UNC5D: variants seen among roughly 807,000 people sequenced by gnomAD.
UNC5D encodes unc-5 netrin receptor D, also known as netrin receptor UNC5D.
UNC5D carries 39 observed loss-of-function variants against 105.4 expected under a neutral mutation model. The ratio of observed to expected loss-of-function variants is 0.37; its 90% CI spans 0.29 to 0.48. The LOEUF (loss-of-function observed/expected upper bound fraction) is 0.48. Among genes scored for constraint, UNC5D ranks in the 20% least tolerant of loss-of-function variants. The pLI, the probability that UNC5D is intolerant of heterozygous loss-of-function variation, is 0.98. For missense variants in UNC5D, 991 were observed against 1,202.4 expected (o/e 0.82, Z 2.60); for synonymous variants, 452 against 450.4 (o/e 1.00, Z -0.04).
At chr8:35,430,335 G>A (rs1290957102) in intron 1 of UNC5D, among the ~76,000 whole-genome samples, 1 of 152,006 alleles carries the variant, frequency 6.6e-6, no homozygotes, top group African/African-American at 2.4e-5. Flanking sequence ...CCCTGAGAGG[G>A]CATGGAAACT....
rs140008240 is a variant in UNC5D, at chr8:35,476,896, C to T, written c.104-72396C>T. ...TACTGTGATGCTTTGATCACCAATT[C>T]TAACATTAATATTGATTTCCATTCT... On this transcript the variant is annotated intron_variant, in intron 1 of 16. Coordinates refer to ENST00000404895, the MANE Select transcript of UNC5D (RefSeq NM_080872.4). Among the ~76,000 whole-genome samples, 21 of 152,336 alleles carry T rather than the reference C, an allele frequency of 1.4e-4. No homozygotes were observed. In the East Asian group the frequency reaches 4.0e-3, roughly 29 times the overall value.
chr8:35,683,967 T>C (rs1647468316), intron 5 of UNC5D, among the ~76,000 whole-genome samples: 1 of 152,170 alleles, frequency 6.6e-6, no homozygotes. Flanking sequence ...CCAATCTCTC[T>C]TTTAAAAATA....
At chr8:35,346,603 G>A (rs898978888) in intron 1 of UNC5D, among the ~76,000 whole-genome samples, 45 of 151,976 alleles carry the variant, frequency 3.0e-4, no homozygotes, top group African/African-American at 1.0e-3. Context: ...CATGTTATGT[G>A]TATTAAATAT....
chr8:35,303,509 A>G (rs2128872418), intron 1 of UNC5D, among the ~76,000 whole-genome samples: 1 of 152,284 alleles, frequency 6.6e-6, no homozygotes, highest in Middle Eastern at 3.4e-3. Context: ...TAGAGCTCAT[A>G]AGTGCTGGAA....
In UNC5D at chr8:35,640,913, C is replaced by T. The variant is rs184920866; in HGVS notation, c.571-42634C>T. ...CGTAACTCTCTGTCCTCTTCTTCCT[C>T]TTCCTCCTCCTCTCCTCTCTCTCTC... On this transcript the variant is annotated intron_variant, in intron 4 of 16. Transcript: ENST00000404895. Among the ~76,000 whole-genome samples, 345 of 152,120 alleles carry T rather than the reference C, an allele frequency of 2.3e-3. 3 individuals are homozygous for T. The highest frequency in any genetic ancestry group is 7.5e-3 in the African/African-American group (310 of 41,514).
At chr8:35,670,501 A>T (rs896674011) in intron 4 of UNC5D, among the ~76,000 whole-genome samples, 1 of 152,186 alleles carries the variant, frequency 6.6e-6, no homozygotes, top group African/African-American at 2.4e-5. Context: ...AATGTGGTGC[A>T]TATATACCAT....
intron 4 of UNC5D, among the ~76,000 whole-genome samples, chr8:35,643,696 A>T (rs1822886620): frequency 6.6e-6 from 1 of 152,066 alleles, no homozygotes; most frequent in Non-Finnish European, 1.5e-5. Flanking sequence ...GAGATTTAAA[A>T]ATCAGATCAG....
At chr8:35,715,431 A>G (rs1828203216) in intron 8 of UNC5D, among the ~76,000 whole-genome samples, 1 of 152,250 alleles carries the variant, frequency 6.6e-6, no homozygotes, top group African/African-American at 2.4e-5. Context: ...TATACTTCCT[A>G]GAACATTTTC....
intron 1 of UNC5D, among the ~76,000 whole-genome samples, chr8:35,394,979 A>G (rs1436169422): frequency 6.6e-6 from 1 of 152,170 alleles, no homozygotes; most frequent in Admixed American, 6.5e-5. Context: ...GGATAAAGAG[A>G]TGGATGGAGC....
intron 4 of UNC5D, among the ~76,000 whole-genome samples, chr8:35,596,318 A>G (rs1467932222): frequency 6.6e-6 from 1 of 152,196 alleles, no homozygotes; most frequent in African/African-American, 2.4e-5. Context: ...CACTCTGGTC[A>G]TAGGAAAGTC....
At chr8:35,249,601 TAA>T (rs869052810) in intron 1 of UNC5D, among the ~76,000 whole-genome samples, 1 of 126,886 alleles carries the variant, frequency 7.9e-6, no homozygotes, top group Admixed American at 8.1e-5. Flanking sequence ...ATAATAATAA[TAA>T]AATAAATAAA....
intron 1 of UNC5D, among the ~76,000 whole-genome samples, chr8:35,301,674 T>G (rs1418189026): frequency 6.6e-6 from 1 of 152,182 alleles, no homozygotes; most frequent in Non-Finnish European, 1.5e-5. Flanking sequence ...ACGTTTTGGT[T>G]TGTTTGCATT....
At chr8:35,541,690 T>C (rs921446997) in intron 1 of UNC5D, among the ~76,000 whole-genome samples, 2 of 147,956 alleles carry the variant, frequency 1.4e-5, no homozygotes, top group Non-Finnish European at 3.0e-5. Flanking sequence ...ACACTTTGCA[T>C]ATACTTCCAA....
chr8:35,781,488 GTTT>G (rs1409855208), intron 16 of UNC5D, among the ~76,000 whole-genome samples: 3 of 152,026 alleles, frequency 2.0e-5, no homozygotes, highest in African/African-American at 7.3e-5. Context: ...ATAAACTAAC[GTTT>G]TCAGAAAAGA....
chr8:35,278,159 A>T (rs1805898152), intron 1 of UNC5D, among the ~76,000 whole-genome samples: 1 of 151,958 alleles, frequency 6.6e-6, no homozygotes, highest in Non-Finnish European at 1.5e-5. Flanking sequence ...CTGAGTTCTG[A>T]TGTCTGGTCC....
intron 1 of UNC5D, among the ~76,000 whole-genome samples, chr8:35,244,377 CAG>C (rs1423987979): frequency 3.9e-5 from 6 of 152,098 alleles, no homozygotes; most frequent in Non-Finnish European, 7.3e-5. Flanking sequence ...GTCCATTTGA[CAG>C]GGATGTGGAT....
intron 4 of UNC5D, among the ~76,000 whole-genome samples, chr8:35,634,402 T>C (rs1176495960): frequency 1.3e-5 from 2 of 152,182 alleles, no homozygotes; most frequent in African/African-American, 2.4e-5. Flanking sequence ...AGAAACACTA[T>C]AGCAAAACAC....
At chr8:35,278,979 C>T (rs923988557) in intron 1 of UNC5D, among the ~76,000 whole-genome samples, 1 of 152,122 alleles carries the variant, frequency 6.6e-6, no homozygotes, top group African/African-American at 2.4e-5. Context: ...CAGTTATTGT[C>T]ACCAGTAATG....
At chr8:35,463,962 C>T (rs1809107313) in intron 1 of UNC5D, among the ~76,000 whole-genome samples, 1 of 152,116 alleles carries the variant, frequency 6.6e-6, no homozygotes, top group African/African-American at 2.4e-5. Flanking sequence ...AGTTGGTTTT[C>T]TATTATGCTT....
Sources: gnomAD v4.1 joint callset for allele counts (sites outside exome capture counted in the v4.1 genomes callset) on GRCh38, gnomAD v4.1.1 for gene constraint, MANE v1.5 for transcripts, NCBI Gene and HGNC (gene_info 2026-07-23, HGNC 2026-07-21) for gene names.